The following VRK2 variants were observed in gnomAD, a reference collection of about 807,000 sequenced individuals.
VRK2 encodes the protein serine/threonine-protein kinase VRK2.
In VRK2, 60 loss-of-function variants were observed where a neutral mutation model predicts 57.6. That is an observed-to-expected ratio of 1.04 (90% confidence interval 0.85 to 1.29). The LOEUF (loss-of-function observed/expected upper bound fraction) is 1.29, where lower values mean the gene tolerates loss of function less well. Among genes scored for constraint, VRK2 ranks in the 50% most tolerant of loss-of-function variants. The pLI is 0.00. For missense variants in VRK2, 705 were observed against 588.1 expected, an observed-to-expected ratio of 1.20 and a Z score of -2.06; for synonymous variants, 231 against 199.2, an observed-to-expected ratio of 1.16 and a Z score of -1.35.
chr2:58,080,232 T>G (rs1401427798), intron 2 of VRK2, among the ~76,000 whole-genome samples: 1 of 151,996 alleles, frequency 6.6e-6, no homozygotes, highest in Non-Finnish European at 1.5e-5. Flanking sequence ...GTGATTTCCT[T>G]TTTCCCCAGA....
chr2:58,031,366 CAGGA>C (rs1253716451), intron 2 of VRK2, among the ~76,000 whole-genome samples: 2 of 152,080 alleles, frequency 1.3e-5, no homozygotes, highest in African/African-American at 4.8e-5. Context: ...CCTATCCCCT[CAGGA>C]TAGTATAGGA....
intron 1 of VRK2, among the ~76,000 whole-genome samples, chr2:57,966,844 A>AT (rs1671933904): frequency 6.6e-6 from 1 of 152,214 alleles, no homozygotes; most frequent in African/African-American, 2.4e-5. Context: ...ATATTGACTA[A>AT]TAAAAAGTGA....
chr2:58,078,115 C>G (rs1670387023), intron 2 of VRK2, among the ~76,000 whole-genome samples: 1 of 152,108 alleles, frequency 6.6e-6, no homozygotes, highest in Non-Finnish European at 1.5e-5. Context: ...TTTTGCAGTA[C>G]TGAAACTCTA....
intron 1 of VRK2, among the ~76,000 whole-genome samples, chr2:58,011,921 C>G (rs1673429045): frequency 6.6e-6 from 1 of 152,128 alleles, no homozygotes; most frequent in Admixed American, 6.5e-5. Flanking sequence ...TCTTATGACA[C>G]TAACTCTAGG....
At chr2:58,022,425 A>T (rs1217605921) in intron 1 of VRK2, among the ~76,000 whole-genome samples, 1 of 152,228 alleles carries the variant, frequency 6.6e-6, no homozygotes, top group Non-Finnish European at 1.5e-5. Context: ...CTACGTAGAC[A>T]TTATGTTTCT....
At chr2:58,068,680 T>C (rs1668954580) in intron 2 of VRK2, among the ~76,000 whole-genome samples, 1 of 152,100 alleles carries the variant, frequency 6.6e-6, no homozygotes, top group Non-Finnish European at 1.5e-5. Context: ...CCTATAAGTT[T>C]CTAAGGTGGT....
chr2:57,991,645 C>T (rs1168389892), intron 1 of VRK2, among the ~76,000 whole-genome samples: 2 of 151,990 alleles, frequency 1.3e-5, no homozygotes, highest in South Asian at 4.2e-4. Context: ...CTAGGTTAGA[C>T]ATCTTAAAAA....
chr2:57,944,102 C>G (rs1217897093), intron 1 of VRK2, among the ~76,000 whole-genome samples: 1 of 152,154 alleles, frequency 6.6e-6, no homozygotes, highest in African/African-American at 2.4e-5. Context: ...CCTTTATGAG[C>G]TTGAACAAAA....
chr2:57,972,843 A>G (rs769247238), intron 1 of VRK2, among the ~76,000 whole-genome samples: 5 of 152,006 alleles, frequency 3.3e-5, no homozygotes, highest in Middle Eastern at 6.8e-3. Context: ...GAATTATTCC[A>G]TATGTATGTA....
chr2:57,923,950 G>C (rs1321240934), intron 1 of VRK2, among the ~76,000 whole-genome samples: 3 of 152,096 alleles, frequency 2.0e-5, no homozygotes, highest in East Asian at 1.9e-4. Flanking sequence ...TGGATATCCA[G>C]TTTTACCAGC....
At chr2:58,085,018 G>T (rs1201197416) in intron 4 of VRK2, 68 bp downstream of exon 4, 1 of 1,421,612 alleles carries the variant, frequency 7.0e-7, no homozygotes, top group Non-Finnish European at 9.4e-7. Context: ...TGATATTTTG[G>T]TCTTTTTCTG....
intron 3 of VRK2, among the ~76,000 whole-genome samples, chr2:58,039,989 C>A (rs550036638): frequency 2.2e-4 from 33 of 152,014 alleles, no homozygotes; most frequent in South Asian, 2.1e-3. Flanking sequence ...TCATAGCTCA[C>A]TGCAGCCTCA....
chr2:58,013,962 A>G (rs1673496447), intron 1 of VRK2, among the ~76,000 whole-genome samples: 1 of 151,758 alleles, frequency 6.6e-6, no homozygotes, highest in Non-Finnish European at 1.5e-5. Flanking sequence ...TTGTTAATTT[A>G]CTCAAATTTG....
At chr2:57,934,983 T>G (rs1223858117) in intron 1 of VRK2, among the ~76,000 whole-genome samples, 1 of 152,220 alleles carries the variant, frequency 6.6e-6, no homozygotes, top group Non-Finnish European at 1.5e-5. Context: ...TTTTCTGATT[T>G]CATTGAATTG....
chr2:58,097,292 C>A (rs1053095055), intron 7 of VRK2, among the ~76,000 whole-genome samples: 1 of 151,706 alleles, frequency 6.6e-6, no homozygotes, highest in East Asian at 1.9e-4. Flanking sequence ...TCTCTGTCTC[C>A]TTGTTCTCCT....
At position 57,917,026 on chromosome 2, in the gene VRK2, ATC is replaced by A. The variant is rs1402992322; in HGVS notation, c.-439+9191_-439+9192del. On this transcript the variant is annotated intron_variant, in intron 1 of 15. Transcript: ENST00000417641. ...CACAATGTAAATTTTCAAATGTACA[ATC>A]TCTAGATTACTAGCTGATGAATCAT... 2.0e-5 allele frequency among the ~76,000 whole-genome samples: 3 copies of A among 151,086 alleles called. No individual in the cohort carries two copies. In the East Asian group the frequency reaches 5.9e-4, roughly 30 times the overall value.
chr2:58,075,478 G>A lies in VRK2; in HGVS notation c.137-8611G>A, dbSNP rs147552860. ...AGTCTTTCAACTGTTTTCCACAATG[G>A]CTGAACTGATTTGCATTCCCACCAG... On this transcript the variant is annotated intron_variant, in intron 2 of 12. Coordinates refer to ENST00000340157, the MANE Select transcript of VRK2 (RefSeq NM_006296.7). 3.2e-3 allele frequency among the ~76,000 whole-genome samples: 484 copies of A among 152,190 alleles called. 7 individuals carry two copies. The highest frequency in any genetic ancestry group is 0.011 in the African/African-American group (461 of 41,538).
chr2:58,158,652 G>A (rs1250885323), intron 12 of VRK2, among the ~76,000 whole-genome samples: 1 of 152,090 alleles, frequency 6.6e-6, no homozygotes, highest in African/African-American at 2.4e-5. Context: ...AGAAAAACTC[G>A]ACTTTCAGCC....
At chr2:57,922,750 A>G (rs1267141166) in intron 1 of VRK2, among the ~76,000 whole-genome samples, 1 of 136,950 alleles carries the variant, frequency 7.3e-6, no homozygotes, top group East Asian at 2.1e-4. Context: ...GATACAAACA[A>G]TCCAATTATA....
Sources: gnomAD v4.1 joint callset for allele counts (sites outside exome capture counted in the v4.1 genomes callset) on GRCh38, gnomAD v4.1.1 for gene constraint, MANE v1.5 for transcripts, NCBI Gene and HGNC (gene_info 2026-07-23, HGNC 2026-07-21) for gene names.